SCUBE1: variants seen among roughly 807,000 people sequenced by gnomAD.
SCUBE1 encodes signal peptide, CUB and EGF-like domain-containing protein 1.
Under a neutral mutation model 124.4 loss-of-function variants are expected in SCUBE1, and 59 were observed. That is an observed-to-expected ratio of 0.47 (90% CI 0.38 to 0.59). The LOEUF (loss-of-function observed/expected upper bound fraction) is 0.59, where lower values mean the gene tolerates loss of function less well. SCUBE1 is among the 20% of genes least tolerant of loss of function. The probability of loss-of-function intolerance (pLI) is 0.00; values close to 1 mark genes in which losing one functional copy is unlikely to be tolerated. For synonymous variants in SCUBE1, 545 were observed against 550.9 expected (o/e 0.99, Z 0.15); for missense variants, 1,150 against 1,371.2 (o/e 0.84, Z 2.55).
intron 3 of SCUBE1, among the ~76,000 whole-genome samples, chr22:43,315,482 TG>T (rs1926312622): frequency 6.6e-6 from 1 of 152,132 alleles, no homozygotes; most frequent in African/African-American, 2.4e-5. Flanking sequence ...CAGCATTTCA[TG>T]GATGAGGGAG....
chr22:43,244,656 C>T (rs1381598564), intron 6 of SCUBE1, among the ~76,000 whole-genome samples: 1 of 152,198 alleles, frequency 6.6e-6, no homozygotes, highest in Non-Finnish European at 1.5e-5. Flanking sequence ...GGGTGCCAGG[C>T]TCAGTGCCAG....
chr22:43,259,815 G>A (rs1351192844), intron 5 of SCUBE1, among the ~76,000 whole-genome samples: 1 of 152,192 alleles, frequency 6.6e-6, no homozygotes, highest in Non-Finnish European at 1.5e-5. Context: ...CTTCTAGGGG[G>A]AAATTTCAGG....
chr22:43,334,289 T>C (rs925825948), intron 2 of SCUBE1, among the ~76,000 whole-genome samples: 8 of 152,246 alleles, frequency 5.3e-5, no homozygotes, highest in African/African-American at 1.9e-4. Flanking sequence ...GTGTTTCTTA[T>C]TGTATGTTCT....
At position 43,223,146 on chromosome 22, in the gene SCUBE1, A is replaced by G; in HGVS notation, c.1278T>C (p.Gly426=). 1.9e-6 allele frequency: 3 copies of G among 1,557,494 alleles called. No individual in the cohort carries two copies. Among genetic ancestry groups the G allele is most frequent in the Non-Finnish European group, 2.6e-6 (3 of 1,161,286 alleles). ...RAQLSCSKAG[G]VESCFLSCPA... The stretch of plus-strand genomic sequence containing the variant: ...GGCAGGAAAGGAAGCAGCTCTCCAC[A>G]CCGCCTGCCTTGCTGCAGGACAGCT... The change falls in exon 11 of 22, where the codon GGT becomes GGC. Residue 426 remains glycine (G), a synonymous_variant. Transcript: ENST00000360835.
chr22:43,284,998 C>T (rs768014233), intron 4 of SCUBE1, among the ~76,000 whole-genome samples: 30 of 152,154 alleles, frequency 2.0e-4, no homozygotes, highest in Admixed American at 1.7e-3. Flanking sequence ...AAACAAACTC[C>T]GAACGTTAAC....
intron 4 of SCUBE1, chr22:43,272,661 C>T (rs1444763330): frequency 2.0e-5 from 3 of 152,198 alleles, no homozygotes; most frequent in Admixed American, 6.5e-5. Flanking sequence ...CAGTGAAGCC[C>T]GAATGGGTGC....
intron 17 of SCUBE1, among the ~76,000 whole-genome samples, 156 bp downstream of exon 17, chr22:43,212,269 T>C (rs1921595195): frequency 6.6e-6 from 1 of 152,138 alleles, no homozygotes; most frequent in East Asian, 1.9e-4. Context: ...CGGGGCACAG[T>C]GGGTCACCCA....
chr22:43,287,995 C>T (rs1287575101), intron 4 of SCUBE1, among the ~76,000 whole-genome samples: 1 of 152,174 alleles, frequency 6.6e-6, no homozygotes, highest in Non-Finnish European at 1.5e-5. Context: ...TCAGGACTTC[C>T]ACACAGCCGT....
rs755223791 is a variant in SCUBE1, at chr22:43,198,533, G to C, written c.*5464C>G. The C allele has an allele frequency of 4.4e-6, 2 of 456,530 alleles. No individual in the cohort carries two copies. The highest frequency in any genetic ancestry group is 8.8e-6 in the Non-Finnish European group (2 of 226,942). 28.3% of individuals were successfully genotyped at this position (456,530 alleles called of 1,614,324 possible). ...GGCAGAGGCAGCCGCGGTAGAATAGGAGGCGCTCTCTGCTCTCTCTCCACA... is the reference window on the plus strand; with the variant it reads ...GGCAGAGGCAGCCGCGGTAGAATAGCAGGCGCTCTCTGCTCTCTCTCCACA... On this transcript the variant is annotated 3_prime_UTR_variant, in exon 22 of 22. Transcript: ENST00000360835.
rs1417726665 is a variant in SCUBE1, at chr22:43,343,265, C to A, written c.-4G>T. The A allele has an allele frequency of 1.8e-6, 2 of 1,137,412 alleles. No individual in the cohort carries two copies. The highest frequency in any genetic ancestry group is 2.2e-6 in the Non-Finnish European group (2 of 929,232). The allele number at this position is 1,137,412 out of a possible 1,614,324, so 70.5% of individuals were successfully genotyped here. On this transcript the variant is annotated 5_prime_UTR_variant, in exon 1 of 22. Transcript: ENST00000360835. The stretch of plus-strand genomic sequence containing the variant: ...AGCGCACGGCCGCCGCGCCCATGCT[C>A]AATGCGGGCCCCGCTGGGCGTGCGG...
intron 4 of SCUBE1, among the ~76,000 whole-genome samples, chr22:43,275,376 C>T (rs1005286426): frequency 2.0e-5 from 3 of 152,196 alleles, no homozygotes; most frequent in Non-Finnish European, 4.4e-5. Context: ...ACTTTGTGAA[C>T]GGATGATGCA....
chr22:43,251,653 G>T (rs991878478), intron 6 of SCUBE1, among the ~76,000 whole-genome samples: 4 of 152,170 alleles, frequency 2.6e-5, no homozygotes, highest in African/African-American at 9.7e-5. Context: ...CTAGAAGCTG[G>T]AAAGGCAAGG....
chr22:43,340,224 C>T (rs566428804), intron 1 of SCUBE1, among the ~76,000 whole-genome samples: 1 of 152,104 alleles, frequency 6.6e-6, no homozygotes, highest in South Asian at 2.1e-4. Context: ...CTCAACTGGG[C>T]TAACCTGAGC....
intron 4 of SCUBE1, among the ~76,000 whole-genome samples, chr22:43,281,771 A>C (rs1360234549): frequency 6.6e-6 from 1 of 152,178 alleles, no homozygotes; most frequent in Non-Finnish European, 1.5e-5. Context: ...AACTGAGGCA[A>C]GTGTGATCTT....
intron 3 of SCUBE1, among the ~76,000 whole-genome samples, chr22:43,304,902 G>A (rs912391960): frequency 2.0e-5 from 3 of 152,114 alleles, no homozygotes; most frequent in Non-Finnish European, 4.4e-5. Context: ...CACCATAGTG[G>A]GAGTATTTCT....
intron 4 of SCUBE1, among the ~76,000 whole-genome samples, chr22:43,277,137 A>C (rs189428253): frequency 1.3e-5 from 2 of 152,116 alleles, no homozygotes; most frequent in Non-Finnish European, 2.9e-5. Context: ...GTGCGGGGAA[A>C]AGGTGTAGAG....
chr22:43,290,246 C>T (rs1925306691), intron 4 of SCUBE1, among the ~76,000 whole-genome samples: 1 of 152,018 alleles, frequency 6.6e-6, no homozygotes. Flanking sequence ...CTCTCTCCTC[C>T]AAGCACATGT....
chr22:43,235,579 T>A (rs1255213456), intron 7 of SCUBE1, among the ~76,000 whole-genome samples: 2 of 151,906 alleles, frequency 1.3e-5, no homozygotes, highest in Non-Finnish European at 2.9e-5. Context: ...GGTGGGGGGT[T>A]CTCCCAGATT....
intron 15 of SCUBE1, among the ~76,000 whole-genome samples, chr22:43,217,379 T>C (rs2146663494): frequency 6.8e-6 from 1 of 146,486 alleles, no homozygotes; most frequent in African/African-American, 2.6e-5. Context: ...CTTCCTCAAA[T>C]CCTTGGGGAT....
Sources: gnomAD v4.1 joint callset for allele counts (sites outside exome capture counted in the v4.1 genomes callset) on GRCh38, gnomAD v4.1.1 for gene constraint, MANE v1.5 for transcripts, NCBI Gene and HGNC (gene_info 2026-07-23, HGNC 2026-07-21) for gene names.